The following SLC43A3 variants were observed in gnomAD, a reference collection of about 807,000 sequenced individuals.
SLC43A3 encodes equilibrative nucleobase transporter 1.
SLC43A3 carries 33 observed loss-of-function variants against 53.3 expected under a neutral mutation model. The observed-to-expected ratio is 0.62, with a 90% confidence interval of 0.47 to 0.83. The LOEUF is 0.83. Ranked by LOEUF, SLC43A3 falls within the 40% of genes least tolerant of loss-of-function variation. The pLI is 0.00. For synonymous variants in SLC43A3, 236 were observed against 246.2 expected (o/e 0.96, Z 0.39); for missense variants, 530 against 610.0 (o/e 0.87, Z 1.38).
chr11:57,415,430 A>T (rs1565097576), intron 9 of SLC43A3: 5 of 1,334,764 alleles, frequency 3.7e-6, no homozygotes, highest in Non-Finnish European at 4.9e-6. Context: ...AGGAACGACA[A>T]GGAGAGGAGA....
In SLC43A3 at chr11:57,410,140, A is replaced by C; in HGVS notation, c.1061-19T>G. Reference sequence around the variant, plus strand: ...GAGGAACCTGGGCGAACAGAGAGGAAAAAGAAGCTCTCTGTAGGCCAACCC... The same window carrying C: ...GAGGAACCTGGGCGAACAGAGAGGACAAAGAAGCTCTCTGTAGGCCAACCC... On this transcript the variant is annotated intron_variant, in intron 11 of 13. Transcript: ENST00000395124. 6.4e-7 allele frequency: 1 copy of C among 1,565,956 alleles called. No homozygotes were observed. The highest frequency in any genetic ancestry group is 8.6e-7 in the Non-Finnish European group (1 of 1,158,100).
intron 5 of SLC43A3, 115 bp downstream of exon 5, chr11:57,423,867 A>T: frequency 1.2e-6 from 1 of 811,006 alleles, no homozygotes. Context: ...CAAGCTGCAG[A>T]TCTCTGAATA....
intron 3 of SLC43A3, 128 bp from the exon 4 acceptor site, chr11:57,425,798 G>T: frequency 6.7e-7 from 1 of 1,484,924 alleles, no homozygotes. Flanking sequence ...TTGAAATGTG[G>T]CTGCCCCTAA....
rs368739448 is a variant in SLC43A3, at chr11:57,423,999, A to G, written c.344T>C (p.Ile115Thr). The change falls in exon 5 of 14, where the codon ATA becomes ACA. Residue 115 changes from isoleucine to threonine, a missense_variant. Physicochemically the swap from Ile to Thr is moderately conservative, Grantham distance 89. Around this residue, in one of 3 missense-constraint regions of SLC43A3, gnomAD observed 376 missense variants for 386.7 expected, o/e 0.97. Transcript: ENST00000395124. Reference protein sequence around the residue: ...IFFYTTATLIIAFTSAGSAVL... With the variant: ...IFFYTTATLITAFTSAGSAVL... ...GCACTCACCTGCAGAGGTGAAGGCT[A>G]TGATGAGTGTGGCGGTGGTGTAGAA... 6 of 1,614,084 alleles carry G rather than the reference A, an allele frequency of 3.7e-6. No individual in the cohort carries two copies. The African/African-American group carries it at 6.7e-5, about 18-fold the overall frequency.
At chr11:57,425,695 T>C (rs745594408) in intron 3 of SLC43A3, 25 bp from the exon 4 acceptor site, 2 of 1,613,370 alleles carry the variant, frequency 1.2e-6, no homozygotes, top group Non-Finnish European at 1.7e-6. Flanking sequence ...AGGTCTCCCA[T>C]GCATCCCAGC....
At chr11:57,408,234 A>C (rs1942288473) in intron 13 of SLC43A3, 1 of 213,868 alleles carries the variant, frequency 4.7e-6, no homozygotes, top group African/African-American at 2.3e-5. Context: ...AGGTCACCTG[A>C]TGTCACAATC....
At position 57,420,973 on chromosome 11, in the gene SLC43A3, T is replaced by C. The variant is rs754496470; in HGVS notation, c.530A>G (p.Lys177Arg). 2 of 1,601,498 alleles carry C rather than the reference T, an allele frequency of 1.2e-6. No individual in the cohort carries two copies. Among genetic ancestry groups the C allele is most frequent in the African/African-American group, 1.3e-5 (1 of 74,688 alleles). ...DSSSAVFLII[K>R]LLYEKGISLR... ...AATGTAGGCTGTTGCTATATTTACC[T>C]TAATAATAAGGAAGACTGCCGAGGA... The change falls in exon 7 of 14, where the codon AAG (lysine) becomes AGG (arginine). Residue 177 changes from lysine (K) to arginine (R), a missense_variant and splice_region_variant. Lys to Arg is a conservative substitution (Grantham distance 26). Transcript: ENST00000395124.
intron 9 of SLC43A3, chr11:57,415,354 C>T: frequency 6.7e-7 from 1 of 1,485,742 alleles, no homozygotes; most frequent in African/African-American, 1.4e-5. Flanking sequence ...ATCTGTCTCT[C>T]ACAGCCTGGT....
At chr11:57,423,796 A>C (rs1356449614) in intron 5 of SLC43A3, 186 bp downstream of exon 5, 6 of 562,936 alleles carry the variant, frequency 1.1e-5, no homozygotes, top group Admixed American at 3.0e-5. Context: ...TGCTTTTCAC[A>C]TTTTCTCAAT....
rs145391074 is a variant in SLC43A3, at chr11:57,410,005, G to A, written c.1177C>T (p.Leu393Phe). The A allele has an allele frequency of 4.5e-5, 72 of 1,613,354 alleles. No individual in the cohort carries two copies. The East Asian group carries it at 1.6e-3, about 36-fold the overall frequency. Reference protein sequence around the residue: ...ASVPILPLQYLTFILQVISRS... With the variant: ...ASVPILPLQYFTFILQVISRS... ...CTGATCACTTGCAGGATGAAGGTGA[G>A]GTACTGGAGAGGGAGGATGGGGACT... The change falls in exon 12 of 14, where the codon CTC becomes TTC. Residue 393 changes from leucine to phenylalanine, a missense_variant. Physicochemically the swap from Leu to Phe is conservative, Grantham distance 22. Around this residue, in one of 3 missense-constraint regions of SLC43A3, gnomAD observed 124 missense variants for 166.4 expected, o/e 0.75. Transcript: ENST00000395124.
In SLC43A3 at chr11:57,410,090, C is replaced by G. The variant is rs1472040914; in HGVS notation, c.1092G>C (p.Ser364=). 2.5e-6 allele frequency: 4 copies of G among 1,608,508 alleles called. No individual in the cohort carries two copies. The highest frequency in any genetic ancestry group is 3.4e-6 in the Non-Finnish European group (4 of 1,177,826). ...ATGTCAGGGCCAGCGAAGGCACCGT[C>G]GAGCAGAGGGCCACCGCCAAAGTGG... is the stretch of plus-strand genomic sequence containing the variant. ...GSSTLAVALC[S]TVPSLALTSL... is the part of the protein sequence containing the mutation. Residue 364 remains serine (S), a synonymous_variant, in exon 12 of 14, where the codon TCG becomes TCC. Coordinates refer to ENST00000395124, the MANE Select transcript of SLC43A3 (RefSeq NM_199329.3).
In SLC43A3 at chr11:57,417,785, G is replaced by A; in HGVS notation, c.634C>T (p.His212Tyr). 6.2e-7 allele frequency: 1 copy of A among 1,614,104 alleles called. No homozygotes were observed. The highest frequency in any genetic ancestry group is 8.5e-7 in the Non-Finnish European group (1 of 1,180,006). Residue 212 changes from histidine to tyrosine, a missense_variant, in exon 8 of 14, where the codon CAC becomes TAC. Physicochemically the swap from His to Tyr is moderately conservative, Grantham distance 83. Coordinates refer to ENST00000395124, the MANE Select transcript of SLC43A3 (RefSeq NM_199329.3). ...ARTFLLMPRG[H>Y]IPYPLPPNYS... ...TTGGGGGGCAGTGGGTATGGGATGTGCCCCCGGGGCATCAGGAGGAAAGTG... is the reference window on the plus strand; with the variant it reads ...TTGGGGGGCAGTGGGTATGGGATGTACCCCCGGGGCATCAGGAGGAAAGTG...
At chr11:57,416,114 G>A (rs961832979) in intron 9 of SLC43A3, among the ~76,000 whole-genome samples, 4 of 152,074 alleles carry the variant, frequency 2.6e-5, no homozygotes, top group African/African-American at 4.8e-5. Context: ...CTCCCACCCC[G>A]TTCTTATTTC....
At chr11:57,421,246 T>G (rs375323360) in intron 6 of SLC43A3, 51 bp downstream of exon 6, 3 of 1,515,722 alleles carry the variant, frequency 2.0e-6, no homozygotes, top group Non-Finnish European at 2.7e-6. Flanking sequence ...TCTCCTTCCC[T>G]CCACCTTCCC....
At position 57,416,602 on chromosome 11, in the gene SLC43A3, T is replaced by C. The variant is rs765474260; in HGVS notation, c.740A>G (p.Gln247Arg). Residue 247 changes from glutamine (Q) to arginine (R), a missense_variant, in exon 9 of 14, where the codon CAG becomes CGG. Around this residue, in one of 3 missense-constraint regions of SLC43A3, gnomAD observed 376 missense variants for 386.7 expected, o/e 0.97. Coordinates refer to ENST00000395124, the MANE Select transcript of SLC43A3 (RefSeq NM_199329.3). ...CTTCGCTGAAAGGAACTCCTTTGAC[T>C]GTAGCTCCCTGTTTTCATGCTCAGC... ...ETAEHENREL[Q>R]SKEFLSAKEE... 9 of 1,614,114 alleles carry C rather than the reference T, an allele frequency of 5.6e-6. No homozygotes were observed. Among genetic ancestry groups the C allele is most frequent in the Non-Finnish European group, 7.6e-6 (9 of 1,179,974 alleles).
chr11:57,414,587 C>T (rs780811572), intron 11 of SLC43A3, 28 bp downstream of exon 11: 5 of 1,393,658 alleles, frequency 3.6e-6, no homozygotes, highest in South Asian at 3.5e-5. Context: ...GGTTCCCTGA[C>T]CAGCCCCTGC....
At chr11:57,423,876 TA>T in intron 5 of SLC43A3, 105 bp downstream of exon 5, 1 of 878,622 alleles carries the variant, frequency 1.1e-6, no homozygotes, top group Non-Finnish European at 1.9e-6. Context: ...GATCTCTGAA[TA>T]ACCATGTGGT....
intron 7 of SLC43A3, among the ~76,000 whole-genome samples, chr11:57,420,224 A>G (rs1942924602): frequency 6.6e-6 from 1 of 152,230 alleles, no homozygotes; most frequent in Non-Finnish European, 1.5e-5. Context: ...TCACACCACA[A>G]CATTCAATGA....
intron 11 of SLC43A3, among the ~76,000 whole-genome samples, chr11:57,411,245 T>C (rs919431821): frequency 5.9e-5 from 9 of 151,840 alleles, no homozygotes; most frequent in African/African-American, 1.9e-4. Flanking sequence ...TAAAATAAAA[T>C]AATAATAGGA....
Sources: allele counts gnomAD v4.1 joint callset (sites outside exome capture counted in the v4.1 genomes callset), GRCh38; gene constraint gnomAD v4.1.1; regional missense constraint gnomAD v4.1.1; transcripts MANE v1.5; gene names NCBI Gene and HGNC (gene_info 2026-07-23, HGNC 2026-07-21).